The following CC2D2B variants were observed in gnomAD, a reference collection of about 807,000 sequenced individuals.
The protein encoded by CC2D2B is protein CC2D2B.
CC2D2B carries 128 observed loss-of-function variants against 161.2 expected under a neutral mutation model. That is an observed-to-expected ratio of 0.79 (90% CI 0.69 to 0.92). CC2D2B has a LOEUF of 0.92. Among genes scored for constraint, CC2D2B ranks in the 40% least tolerant of loss-of-function variants. CC2D2B has a pLI of 0.00. For missense variants in CC2D2B, 1,173 were observed against 1,375.1 expected, an observed-to-expected ratio of 0.85 and a Z score of 2.32; for synonymous variants, 391 against 449.8, an observed-to-expected ratio of 0.87 and a Z score of 1.65.
At chr10:95,973,975 C>T in intron 16 of CC2D2B, 34 bp from the exon 17 acceptor site, 1 of 1,191,876 alleles carries the variant, frequency 8.4e-7, no homozygotes, top group Non-Finnish European at 1.0e-6. Context: ...GCACTTAAAA[C>T]AATTCATATG....
intron 2 of CC2D2B, among the ~76,000 whole-genome samples, chr10:95,916,472 A>G (rs2098516562): frequency 6.6e-6 from 1 of 151,956 alleles, no homozygotes; most frequent in Non-Finnish European, 1.5e-5. Context: ...CTAGTTCTTT[A>G]AGACGCATCA....
chr10:96,020,876 AAAC>A lies in CC2D2B; in HGVS notation c.3888+1055_3888+1057del, dbSNP rs543964961. On this transcript the variant is annotated intron_variant, in intron 32 of 34. Coordinates refer to ENST00000646931, the MANE Select transcript of CC2D2B (RefSeq NM_001349008.3). ...AGCAAGACCCTGTCTCTAAAAATAA[AAAC>A]AAAAGAACTACCCGGGCATGGTGAT... 536 of 152,298 alleles carry A rather than the reference AAAC, an allele frequency of 3.5e-3. 2 individuals are homozygous for A. Among genetic ancestry groups the A allele is most frequent in the Non-Finnish European group, 5.4e-3 (369 of 68,086 alleles). The allele number at this position is 152,298 out of a possible 1,614,324, so 9.4% of individuals were successfully genotyped here.
At chr10:95,923,046 G>A (rs2098530847) in intron 3 of CC2D2B, among the ~76,000 whole-genome samples, 1 of 151,714 alleles carries the variant, frequency 6.6e-6, no homozygotes. Flanking sequence ...TCCACCTCCC[G>A]GGTTCAAGCA....
Position 95,992,607 on chromosome 10 carries a change from C to T in CC2D2B, c.2552C>T (p.Thr851Ile). ...CAGAGGAAAGAAAGGAAAAAAGTCA[C>T]AGCGCAGGCGATCTCTGACGGAGAT... is the stretch of plus-strand genomic sequence containing the variant. Reference protein sequence around the residue: ...KPQRKERKKVTAQAISDGDIK... With the variant: ...KPQRKERKKVIAQAISDGDIK... Residue 851 changes from threonine (T) to isoleucine (I), a missense_variant, in exon 22 of 35, where the codon ACA (threonine) becomes ATA (isoleucine). Thr to Ile is a moderately conservative substitution (Grantham distance 89, BLOSUM62 -1). Transcript: ENST00000646931. 2 of 1,234,230 alleles carry T rather than the reference C, an allele frequency of 1.6e-6. No homozygotes were observed. The highest frequency in any genetic ancestry group is 1.5e-5 in the African/African-American group (1 of 64,582). 76.5% of individuals were successfully genotyped at this position (1,234,230 alleles called of 1,614,324 possible).
At chr10:95,936,922 A>C (rs1412200641) in intron 6 of CC2D2B, among the ~76,000 whole-genome samples, 1 of 152,174 alleles carries the variant, frequency 6.6e-6, no homozygotes. Flanking sequence ...TGGAGCAAAG[A>C]GGCTTTGTAG....
Position 96,013,800 on chromosome 10 carries a change from C to T in CC2D2B, c.3439C>T (p.Arg1147Ter), listed in dbSNP as rs1236243913. The T allele has an allele frequency of 5.0e-6, 8 of 1,599,488 alleles. No individual in the cohort carries two copies. The African/African-American group carries it at 5.4e-5, about 11-fold the overall frequency. ...AATATTATTCTAGGACCTCATTGCT[C>T]GATTTGTATCTTTGATTCCTTTTGT... is the stretch of plus-strand genomic sequence containing the variant. ...NSNATFDLIA[R>*]FVSLIPFVPN... is the part of the protein sequence containing the mutation. Residue 1147 changes from arginine (R) to a stop codon, truncating the protein, a stop_gained, in exon 29 of 35, where the codon CGA becomes TGA. Transcript: ENST00000646931. LOFTEE classifies it high-confidence loss of function.
At chr10:95,927,368 C>G in intron 6 of CC2D2B, 36 bp downstream of exon 6, 13 of 1,124,402 alleles carry the variant, frequency 1.2e-5, no homozygotes, top group Non-Finnish European at 1.7e-5. Flanking sequence ...CCATCTCACT[C>G]TCAGGAAAAA....
rs563710074 is a variant in CC2D2B at position 95,980,273 on chromosome 10, GC to G, written c.1944-1701del. On this transcript the variant is annotated intron_variant, in intron 17 of 34. Coordinates refer to ENST00000646931, the MANE Select transcript of CC2D2B (RefSeq NM_001349008.3). ...CTGGTTTTGACCCAAGAACAGCACT[GC>G]TGTGAGCCATAGCCTACAGCTAAAC... 9.8e-5 allele frequency among the ~76,000 whole-genome samples: 15 copies of G among 152,316 alleles called. No homozygotes were observed. The South Asian group carries it at 3.1e-3, about 32-fold the overall frequency.
At chr10:95,966,042 AT>A in intron 13 of CC2D2B, 44 bp downstream of exon 13, 1 of 815,232 alleles carries the variant, frequency 1.2e-6, no homozygotes, top group Non-Finnish European at 1.6e-6. Flanking sequence ...TAGTTATAAT[AT>A]TTTATTTTTT....
At chr10:95,932,265 A>T (rs11528101) in intron 6 of CC2D2B, among the ~76,000 whole-genome samples, 18,500 of 152,036 alleles carry the variant, frequency 0.12, 1,905 homozygotes, top group African/African-American at 0.27. Flanking sequence ...TTTTGAGCCT[A>T]TGTGTGTCTT....
chr10:95,989,228 G>A lies in CC2D2B; in HGVS notation c.2379+886G>A, dbSNP rs753785666. The stretch of plus-strand genomic sequence containing the variant: ...TGAAGACCTGTTCTTACTACCCTGT[G>A]TGTCACTGGCAAGTAACCAAATCAC... On this transcript the variant is annotated intron_variant, in intron 20 of 34. Coordinates refer to ENST00000646931, the MANE Select transcript of CC2D2B (RefSeq NM_001349008.3). Among the ~76,000 whole-genome samples the A allele has an allele frequency of 5.9e-5, 9 of 152,298 alleles. No homozygotes were observed. In the East Asian group the frequency reaches 7.7e-4, roughly 13 times the overall value.
At chr10:95,922,137 G>T in intron 3 of CC2D2B, 61 bp downstream of exon 3, 1 of 911,358 alleles carries the variant, frequency 1.1e-6, no homozygotes, top group South Asian at 1.8e-5. Flanking sequence ...AGATGTAAAT[G>T]ATTAATCCTG....
At chr10:95,965,670 A>G (rs1253043671) in intron 12 of CC2D2B, among the ~76,000 whole-genome samples, 1 of 152,020 alleles carries the variant, frequency 6.6e-6, no homozygotes, top group African/African-American at 2.4e-5. Flanking sequence ...CTAATGGTAA[A>G]TTTACTGAGT....
chr10:95,938,613 C>T lies in CC2D2B; in HGVS notation c.580C>T (p.Leu194=), dbSNP rs4918979. 0.64 allele frequency: 458,112 copies of T among 710,388 alleles called. 151,551 individuals are homozygous for T. Among genetic ancestry groups the T allele is most frequent in the East Asian group, 0.88 (32,896 of 37,206 alleles). 44.0% of individuals were successfully genotyped at this position (710,388 alleles called of 1,614,324 possible). ...GCCAAAAGATATGATGCCACGTATT[C>T]TAGAAGATGAAGGATTCTATATTCA... ...KLPKDMMPRI[L]EDEGFYIQRK... is the part of the protein sequence containing the mutation. The change falls in exon 8 of 35, where the codon CTA becomes TTA. Residue 194 remains leucine, a synonymous_variant. Coordinates refer to ENST00000646931, the MANE Select transcript of CC2D2B (RefSeq NM_001349008.3).
Position 96,012,347 on chromosome 10 carries a change from T to C in CC2D2B, c.3208T>C (p.Cys1070Arg), listed in dbSNP as rs2079029868. 1.4e-6 allele frequency: 1 copy of C among 698,404 alleles called. No individual in the cohort carries two copies. The highest frequency in any genetic ancestry group is 2.6e-6 in the Non-Finnish European group (1 of 380,136). 43.3% of individuals were successfully genotyped at this position (698,404 alleles called of 1,614,324 possible). A position where few individuals can be genotyped will look rare whatever the true frequency, so the allele number is the denominator to read the frequency against. Residue 1070 changes from cysteine to arginine, a missense_variant, in exon 27 of 35, where the codon TGT becomes CGT. Physicochemically the swap from Cys to Arg is radical, Grantham distance 180. Around this residue, in one of 3 missense-constraint regions of CC2D2B, gnomAD observed 598 missense variants for 693.2 expected, o/e 0.86. Transcript: ENST00000646931. ...TGAACCTCAAATATCATATGTCACC[T>C]GTAATCCAACACTAGATAAGGTAGG... ...TIEPQISYVT[C>R]NPTLDKFLDQ...
At chr10:95,971,947 G>A in intron 15 of CC2D2B, 119 bp from the exon 16 acceptor site, 3 of 478,832 alleles carry the variant, frequency 6.3e-6, no homozygotes, top group Non-Finnish European at 9.9e-6. Flanking sequence ...AAATGCTATA[G>A]AGCAATACTT....
At chr10:96,028,122 A>C (rs1210554412) in intron 34 of CC2D2B, among the ~76,000 whole-genome samples, 1 of 152,212 alleles carries the variant, frequency 6.6e-6, no homozygotes, top group African/African-American at 2.4e-5. Flanking sequence ...AACCAAAGAA[A>C]AAATGGACAA....
At chr10:95,913,611 T>C (rs1164082077) in intron 2 of CC2D2B, among the ~76,000 whole-genome samples, 1 of 152,144 alleles carries the variant, frequency 6.6e-6, no homozygotes, top group Non-Finnish European at 1.5e-5. Flanking sequence ...CCTTTCTCAA[T>C]GCTTTTGCCA....
Position 95,992,649 on chromosome 10 carries a change from G to T in CC2D2B, c.2594G>T (p.Arg865Leu). Reference protein sequence around the residue: ...ISDGDIKILVRIVRAYNIPTR... With the variant: ...ISDGDIKILVLIVRAYNIPTR... ...GACGGAGATATTAAGATTCTTGTCC[G>T]AATAGTGAGGGCCTATAATATTCCT... The change falls in exon 22 of 35, where the codon CGA becomes CTA. Residue 865 changes from arginine to leucine, a missense_variant. By Grantham distance (102) the Arg-to-Leu change is moderately radical (BLOSUM62 -2). Around this residue, in one of 3 missense-constraint regions of CC2D2B, gnomAD observed 598 missense variants for 693.2 expected, o/e 0.86. Coordinates refer to ENST00000646931, the MANE Select transcript of CC2D2B (RefSeq NM_001349008.3). The T allele has an allele frequency of 8.1e-7, 1 of 1,234,214 alleles. No homozygotes were observed. The allele number at this position is 1,234,214 out of a possible 1,614,324, so 76.5% of individuals were successfully genotyped here.
Sources: gnomAD v4.1 joint callset for allele counts (sites outside exome capture counted in the v4.1 genomes callset) on GRCh38, gnomAD v4.1.1 for gene constraint, gnomAD v4.1.1 regional missense constraint, MANE v1.5 for transcripts, NCBI Gene and HGNC (gene_info 2026-07-23, HGNC 2026-07-21) for gene names.